Variants in PARD3B observed in about 807,000 individuals in gnomAD.
PARD3B encodes partitioning defective 3 homolog B.
Under a neutral mutation model 130.2 loss-of-function variants are expected in PARD3B, and 103 were observed. The ratio of observed to expected loss-of-function variants is 0.79; its 90% CI spans 0.67 to 0.93. The LOEUF is 0.93. Among genes scored for constraint, PARD3B ranks in the 40% least tolerant of loss-of-function variants. The probability of loss-of-function intolerance (pLI) is 0.00; values close to 1 mark genes in which losing one functional copy is unlikely to be tolerated. For synonymous variants in PARD3B, 583 were observed against 553.2 expected, an observed-to-expected ratio of 1.05 and a Z score of -0.76; for missense variants, 1,609 against 1,499.2, an observed-to-expected ratio of 1.07 and a Z score of -1.21.
chr2:205,349,800 C>CTTTTTTT (rs11417800), intron 18 of PARD3B, among the ~76,000 whole-genome samples: 1 of 102,248 alleles, frequency 9.8e-6, no homozygotes, highest in Non-Finnish European at 2.0e-5. Context: ...TTCTTTTTCT[C>CTTTTTTT]TTTTTTTTTT....
intron 2 of PARD3B, among the ~76,000 whole-genome samples, chr2:204,744,925 A>C (rs890195971): frequency 6.6e-6 from 1 of 152,168 alleles, no homozygotes; most frequent in Admixed American, 6.6e-5. Context: ...GGGGCTGTCC[A>C]GTCAGATGCA....
Position 205,121,517 on chromosome 2 carries a change from A to T in PARD3B, c.807-74A>T, listed in dbSNP as rs1169161711. 3 of 1,335,242 alleles carry T rather than the reference A, an allele frequency of 2.2e-6. No homozygotes were observed. The Admixed American group carries it at 5.7e-5, about 25-fold the overall frequency. The allele number at this position is 1,335,242 out of a possible 1,614,324, so 82.7% of individuals were successfully genotyped here. A position where few individuals can be genotyped will look rare whatever the true frequency, so the allele number is the denominator to read the frequency against. ...AGCCACTGTGCTGCTCTTGGTTGCC[A>T]TCCTCCTGGGGTACTTTAGAAGATG... On this transcript the variant is annotated intron_variant, in intron 7 of 22. Coordinates refer to ENST00000406610, the MANE Select transcript of PARD3B (RefSeq NM_001302769.2). This position sits in a 1 kb window ranked among gnomAD's most constrained non-coding sequence, Gnocchi z 5.0.
chr2:205,221,539 C>T (rs1464507630), intron 15 of PARD3B, among the ~76,000 whole-genome samples: 3 of 152,106 alleles, frequency 2.0e-5, no homozygotes, highest in Non-Finnish European at 4.4e-5. Context: ...TCCTAGGGTG[C>T]TCCATGCTGT....
chr2:205,323,836 T>C (rs1190153142), intron 18 of PARD3B, among the ~76,000 whole-genome samples: 6 of 152,190 alleles, frequency 3.9e-5, no homozygotes, highest in African/African-American at 1.4e-4. Flanking sequence ...CAGAAGGGTG[T>C]TTATTAAAGA....
intron 7 of PARD3B, 107 bp downstream of exon 7, chr2:205,119,153 C>A: frequency 7.3e-7 from 1 of 1,369,296 alleles, no homozygotes; most frequent in Non-Finnish European, 9.7e-7. Context: ...CTAGTCAGTT[C>A]CCTTTGAACG....
chr2:205,011,646 C>T lies in PARD3B; in HGVS notation c.395-35935C>T, dbSNP rs1695723386. The stretch of plus-strand genomic sequence containing the variant: ...CTTGGAGACAGGCTGCCATGGACTT[C>T]TTTTCTCAATTATTTTCCGCAGAGA... On this transcript the variant is annotated intron_variant, in intron 3 of 22. Transcript: ENST00000406610. This position sits in a 1 kb window ranked among gnomAD's most constrained non-coding sequence, Gnocchi z 4.1. Among the ~76,000 whole-genome samples the T allele has an allele frequency of 6.6e-6, 1 of 152,090 alleles. No homozygotes were observed. The highest frequency in any genetic ancestry group is 1.5e-5 in the Non-Finnish European group (1 of 68,026).
rs535457765 is a variant in PARD3B, at chr2:205,440,505, T to C, written c.2877T>C (p.Phe959=). The C allele has an allele frequency of 2.5e-6, 4 of 1,614,110 alleles. No homozygotes were observed. The South Asian group carries it at 4.4e-5, about 18-fold the overall frequency. ...CCAATTATGCCAGAGTGAACCACTT[T>C]CGGGAACCATGCACATCAGCAAATG... The part of the protein sequence containing the change: ...MDPNYARVNH[F]REPCTSANVF... The change falls in exon 20 of 23, where the codon TTT becomes TTC. Residue 959 remains phenylalanine (F), a synonymous_variant. Transcript: ENST00000406610. This position sits in a 1 kb window ranked among gnomAD's most constrained non-coding sequence, Gnocchi z 4.2.
At chr2:205,079,346 C>T (rs985645885) in intron 4 of PARD3B, among the ~76,000 whole-genome samples, 7 of 152,104 alleles carry the variant, frequency 4.6e-5, no homozygotes, top group Admixed American at 1.3e-4. Flanking sequence ...AACAGAAATT[C>T]GTTTCTCACA....
chr2:205,560,343 G>A (rs181909912), intron 22 of PARD3B, among the ~76,000 whole-genome samples: 5 of 152,132 alleles, frequency 3.3e-5, no homozygotes, highest in Non-Finnish European at 5.9e-5. Context: ...CCTTTCAACC[G>A]TCTCTGTAAT....
At chr2:205,608,752 C>T (rs2055114532) in intron 22 of PARD3B, among the ~76,000 whole-genome samples, 1 of 152,126 alleles carries the variant, frequency 6.6e-6, no homozygotes, top group Non-Finnish European at 1.5e-5. Context: ...ATTGCACACG[C>T]AGTTTGTTAA....
chr2:204,949,344 GTCTC>G (rs1689583834), intron 2 of PARD3B, among the ~76,000 whole-genome samples: 1 of 151,338 alleles, frequency 6.6e-6, no homozygotes, highest in African/African-American at 2.4e-5. Context: ...TTGAGACAGG[GTCTC>G]TCTCTGTCAT....
chr2:204,766,792 T>C (rs1389504209), intron 2 of PARD3B, among the ~76,000 whole-genome samples: 2 of 126,950 alleles, frequency 1.6e-5, no homozygotes, highest in Non-Finnish European at 3.5e-5. Flanking sequence ...AGTTGAAATA[T>C]GCCCTTTTGT....
chr2:204,783,252 A>C (rs529507899), intron 2 of PARD3B, among the ~76,000 whole-genome samples: 2 of 152,272 alleles, frequency 1.3e-5, no homozygotes, highest in East Asian at 3.9e-4. Context: ...TGTAATCATA[A>C]TCAGTGTATA....
rs543514476 is a variant in PARD3B, at chr2:205,377,318, G to C, written c.2631-23695G>C. On this transcript the variant is annotated intron_variant, in intron 18 of 22. Coordinates refer to ENST00000406610, the MANE Select transcript of PARD3B (RefSeq NM_001302769.2). ...GAGTTCATGGTAAAATACAGATTCT[G>C]ACTCAGAGTTCTGATTCTGGAAATT... 3.9e-5 allele frequency among the ~76,000 whole-genome samples: 6 copies of C among 152,290 alleles called. No homozygotes were observed. The South Asian group carries it at 1.2e-3, about 32-fold the overall frequency.
At position 205,183,287 on chromosome 2, in the gene PARD3B, G is replaced by T. The variant is rs2035896103; in HGVS notation, c.1925-2477G>T. On this transcript the variant is annotated intron_variant, in intron 13 of 22. Transcript: ENST00000406610. The surrounding 1 kb of genome is among the most constrained non-coding windows in gnomAD (Gnocchi z 5.2). ...TAGACCTTTATTCCGTAGGCAATGT[G>T]TGCAGCTGAAGTGATTTTGAGCAAC... is the stretch of plus-strand genomic sequence containing the variant. Among the ~76,000 whole-genome samples, 2 of 152,184 alleles carry T rather than the reference G, an allele frequency of 1.3e-5. No individual in the cohort carries two copies. Among genetic ancestry groups the T allele is most frequent in the Non-Finnish European group, 2.9e-5 (2 of 68,036 alleles).
In PARD3B at chr2:204,906,201, A is replaced by G. The variant is rs2047036884; in HGVS notation, c.223-58951A>G. 2.0e-5 allele frequency among the ~76,000 whole-genome samples: 3 copies of G among 152,212 alleles called. No homozygotes were observed. The highest frequency in any genetic ancestry group is 7.2e-5 in the African/African-American group (3 of 41,452). On this transcript the variant is annotated intron_variant, in intron 2 of 22. Transcript: ENST00000406610. This position sits in a 1 kb window ranked among gnomAD's most constrained non-coding sequence, Gnocchi z 4.3. The stretch of plus-strand genomic sequence containing the variant: ...TGACTTAAGTAATTATTTAGAAGTC[A>G]TGGTAACTATTTGTCAAAAAGTAAA...
chr2:204,805,863 C>T (rs545120626), intron 2 of PARD3B, among the ~76,000 whole-genome samples: 1 of 151,960 alleles, frequency 6.6e-6, no homozygotes, highest in Non-Finnish European at 1.5e-5. Flanking sequence ...ATTCAACATC[C>T]CTTCATGATA....
chr2:204,890,435 C>A lies in PARD3B; in HGVS notation c.223-74717C>A, dbSNP rs2046403971. Among the ~76,000 whole-genome samples, 1 of 152,088 alleles carries A rather than the reference C, an allele frequency of 6.6e-6. No homozygotes were observed. The highest frequency in any genetic ancestry group is 6.6e-5 in the Admixed American group (1 of 15,266). On this transcript the variant is annotated intron_variant, in intron 2 of 22. Coordinates refer to ENST00000406610, the MANE Select transcript of PARD3B (RefSeq NM_001302769.2). The surrounding 1 kb of genome is among the most constrained non-coding windows in gnomAD (Gnocchi z 4.9). ...CCTCCACATTCAAGGGTGGGAGTAT[C>A]TCAGTTGATGAAATATATGCTTCTG... is the stretch of plus-strand genomic sequence containing the variant.
At chr2:204,899,074 T>C (rs1423748452) in intron 2 of PARD3B, among the ~76,000 whole-genome samples, 1 of 151,858 alleles carries the variant, frequency 6.6e-6, no homozygotes, top group Non-Finnish European at 1.5e-5. Context: ...TTAATCTATG[T>C]CTTTTGATTG....
Sources: allele counts gnomAD v4.1 joint callset (sites outside exome capture counted in the v4.1 genomes callset), GRCh38; gene constraint gnomAD v4.1.1; non-coding constraint Gnocchi (gnomAD v3.1); transcripts MANE v1.5; gene names NCBI Gene and HGNC (gene_info 2026-07-23, HGNC 2026-07-21).